The following KCND2 variants were observed in gnomAD, a reference collection of about 807,000 sequenced individuals.
KCND2 encodes potassium voltage-gated channel subfamily D member 2.
A neutral mutation model predicts 54.4 loss-of-function variants in KCND2; 16 were observed. The ratio of observed to expected loss-of-function variants is 0.29; its 90% CI spans 0.20 to 0.45. KCND2 has a LOEUF of 0.45. KCND2 is among the 20% of genes least tolerant of loss of function. The probability of loss-of-function intolerance (pLI) is 1.00; values close to 1 mark genes in which losing one functional copy is unlikely to be tolerated. For missense variants in KCND2, 486 were observed against 824.2 expected (o/e 0.59, Z 5.02); for synonymous variants, 317 against 310.7 (o/e 1.02, Z -0.21).
At chr7:120,605,648 T>C (rs1421245431) in intron 1 of KCND2, among the ~76,000 whole-genome samples, 1 of 152,188 alleles carries the variant, frequency 6.6e-6, no homozygotes, top group Non-Finnish European at 1.5e-5. Flanking sequence ...TTCCAAATTG[T>C]TTTCCAAAAT....
intron 1 of KCND2, among the ~76,000 whole-genome samples, chr7:120,459,450 G>A (rs910407742): frequency 8.5e-5 from 13 of 152,204 alleles, no homozygotes; most frequent in East Asian, 7.7e-4. Context: ...CCCACAACTT[G>A]ACATTTGCCA....
At chr7:120,526,251 G>T (rs569667847) in intron 1 of KCND2, among the ~76,000 whole-genome samples, 1 of 152,122 alleles carries the variant, frequency 6.6e-6, no homozygotes, top group Admixed American at 6.5e-5. Flanking sequence ...TTGCATTTTA[G>T]AAAAACAGCA....
intron 1 of KCND2, among the ~76,000 whole-genome samples, chr7:120,404,738 A>G (rs921711158): frequency 1.1e-4 from 17 of 151,970 alleles, no homozygotes; most frequent in African/African-American, 3.9e-4. Flanking sequence ...TGAAAATTCT[A>G]GGATTCTCTT....
chr7:120,498,992 A>C (rs2116313910), intron 1 of KCND2, among the ~76,000 whole-genome samples: 1 of 152,260 alleles, frequency 6.6e-6, no homozygotes, highest in Middle Eastern at 3.4e-3. Context: ...ATATTATAAT[A>C]TTCCGTTCAT....
intron 1 of KCND2, among the ~76,000 whole-genome samples, chr7:120,360,825 C>T (rs1800582043): frequency 6.6e-6 from 1 of 152,046 alleles, no homozygotes; most frequent in African/African-American, 2.4e-5. Context: ...AAATGCATAG[C>T]TTCCAAAAAT....
intron 1 of KCND2, among the ~76,000 whole-genome samples, chr7:120,393,485 G>A (rs919835377): frequency 6.6e-6 from 1 of 151,954 alleles, no homozygotes; most frequent in African/African-American, 2.4e-5. Flanking sequence ...CAGGTGAAAT[G>A]TGTGTGAACT....
Position 120,747,741 on chromosome 7 carries a change from T to C in KCND2, c.1776T>C (p.Tyr592=). Residue 592 remains tyrosine (Y), a synonymous_variant, in exon 6 of 6, where the codon TAT becomes TAC. Coordinates refer to ENST00000331113, the MANE Select transcript of KCND2 (RefSeq NM_012281.3). Reference sequence around the variant, plus strand: ...TTAAACTAAACTGTGAACAACCTTATGTGACTACAGCAATAATAAGCATCC... The same window carrying C: ...TTAAACTAAACTGTGAACAACCTTACGTGACTACAGCAATAATAAGCATCC... The part of the protein sequence containing the change: ...ECVKLNCEQP[Y]VTTAIISIPT... The C allele has an allele frequency of 6.2e-7, 1 of 1,612,830 alleles. No homozygotes were observed. The highest frequency in any genetic ancestry group is 8.5e-7 in the Non-Finnish European group (1 of 1,179,122).
At chr7:120,376,496 A>G (rs1048883513) in intron 1 of KCND2, among the ~76,000 whole-genome samples, 1 of 150,696 alleles carries the variant, frequency 6.6e-6, no homozygotes, top group African/African-American at 2.4e-5. Flanking sequence ...AAATATAAAT[A>G]CATAGGCACA....
intron 1 of KCND2, among the ~76,000 whole-genome samples, chr7:120,576,327 A>G (rs1792433959): frequency 6.6e-6 from 1 of 152,254 alleles, no homozygotes; most frequent in South Asian, 2.1e-4. Context: ...AAAATATTTT[A>G]CAGTGCCATA....
At chr7:120,500,544 C>T (rs893793143) in intron 1 of KCND2, among the ~76,000 whole-genome samples, 4 of 151,868 alleles carry the variant, frequency 2.6e-5, no homozygotes, top group South Asian at 2.1e-4. Flanking sequence ...TGAAATTCTT[C>T]GTAAGACCAC....
intron 1 of KCND2, among the ~76,000 whole-genome samples, chr7:120,334,736 C>T (rs1405226162): frequency 1.3e-5 from 2 of 152,170 alleles, no homozygotes; most frequent in Non-Finnish European, 2.9e-5. Context: ...AGTAGGGTTA[C>T]TGTGTTCAGC....
At position 120,748,110 on chromosome 7, in the gene KCND2, G is replaced by T; in HGVS notation, c.*252G>T. 3.1e-6 allele frequency: 1 copy of T among 320,568 alleles called. No homozygotes were observed. The highest frequency in any genetic ancestry group is 5.7e-6 in the Non-Finnish European group (1 of 174,068). 19.9% of individuals were successfully genotyped at this position (320,568 alleles called of 1,614,324 possible). A position where few individuals can be genotyped will look rare whatever the true frequency, so the allele number is the denominator to read the frequency against. The stretch of plus-strand genomic sequence containing the variant: ...TTGTGAATGAGCACAATGAAATGCC[G>T]CCTACTGATGCTTCTTATGATCAGA... On this transcript the variant is annotated 3_prime_UTR_variant, in exon 6 of 6. Coordinates refer to ENST00000331113, the MANE Select transcript of KCND2 (RefSeq NM_012281.3).
intron 1 of KCND2, among the ~76,000 whole-genome samples, chr7:120,655,013 A>G (rs1791783782): frequency 2.0e-5 from 3 of 152,112 alleles, no homozygotes; most frequent in African/African-American, 7.2e-5. Flanking sequence ...AATGCATTAA[A>G]TGAATCTAGA....
intron 1 of KCND2, among the ~76,000 whole-genome samples, chr7:120,670,780 G>T (rs963133652): frequency 2.0e-5 from 3 of 151,930 alleles, no homozygotes; most frequent in African/African-American, 7.2e-5. Flanking sequence ...GCCAGGCGTG[G>T]TGGCGGGTGC....
At chr7:120,518,591 AAC>A (rs1365641480) in intron 1 of KCND2, among the ~76,000 whole-genome samples, 1 of 152,192 alleles carries the variant, frequency 6.6e-6, no homozygotes, top group Non-Finnish European at 1.5e-5. Flanking sequence ...TTATTTTATA[AAC>A]ACGTTGATAT....
At chr7:120,453,108 C>G (rs1802141027) in intron 1 of KCND2, among the ~76,000 whole-genome samples, 1 of 152,160 alleles carries the variant, frequency 6.6e-6, no homozygotes. Flanking sequence ...TCTATTGCAG[C>G]CTGCACCATG....
chr7:120,422,395 T>C (rs771000664), intron 1 of KCND2, among the ~76,000 whole-genome samples: 8 of 152,200 alleles, frequency 5.3e-5, no homozygotes, highest in South Asian at 4.1e-4. Context: ...CCTCAGGAGA[T>C]TGGCGAAGTC....
chr7:120,723,477 T>C (rs146386174), intron 1 of KCND2, among the ~76,000 whole-genome samples: 1 of 152,324 alleles, frequency 6.6e-6, no homozygotes, highest in Admixed American at 6.5e-5. Flanking sequence ...TGGTGAGATT[T>C]AGAGAACAGA....
chr7:120,458,031 G>A (rs1802225326), intron 1 of KCND2, among the ~76,000 whole-genome samples: 1 of 152,052 alleles, frequency 6.6e-6, no homozygotes, highest in Non-Finnish European at 1.5e-5. Flanking sequence ...AGCAAAAGAG[G>A]AGAACCCCTT....
Sources: gnomAD v4.1 joint callset for allele counts (sites outside exome capture counted in the v4.1 genomes callset) on GRCh38, gnomAD v4.1.1 for gene constraint, MANE v1.5 for transcripts, NCBI Gene and HGNC (gene_info 2026-07-23, HGNC 2026-07-21) for gene names.